Variants in KCNIP4 observed in about 807,000 individuals in gnomAD.
KCNIP4 encodes the protein Kv channel-interacting protein 4.
Under a neutral mutation model 34.0 loss-of-function variants are expected in KCNIP4, and 12 were observed. The ratio of observed to expected loss-of-function variants is 0.35; its 90% confidence interval spans 0.23 to 0.57. The LOEUF (loss-of-function observed/expected upper bound fraction) is 0.57. Ranked by LOEUF, KCNIP4 falls within the 20% of genes least tolerant of loss-of-function variation. The pLI, the probability that KCNIP4 is intolerant of heterozygous loss-of-function variation, is 0.83. For missense variants in KCNIP4, 238 were observed against 311.7 expected (o/e 0.76, Z 1.78); for synonymous variants, 124 against 102.2 (o/e 1.21, Z -1.29).
chr4:21,266,850 G>C (rs1199631034), intron 1 of KCNIP4, among the ~76,000 whole-genome samples: 1 of 152,136 alleles, frequency 6.6e-6, no homozygotes, highest in East Asian at 1.9e-4. Context: ...ATCATAATTT[G>C]GCTATAGTGA....
chr4:21,500,558 T>C (rs1733230026), intron 1 of KCNIP4, among the ~76,000 whole-genome samples: 1 of 152,196 alleles, frequency 6.6e-6, no homozygotes, highest in Admixed American at 6.5e-5. Flanking sequence ...TACATGTAAG[T>C]AAAAGTCATT....
intron 1 of KCNIP4, among the ~76,000 whole-genome samples, chr4:21,058,268 T>C (rs1244152540): frequency 6.6e-6 from 1 of 151,650 alleles, no homozygotes; most frequent in Non-Finnish European, 1.5e-5. Context: ...TGGCCAAGAA[T>C]AATAGAAAAA....
intron 1 of KCNIP4, among the ~76,000 whole-genome samples, chr4:20,944,493 C>T (rs1215636616): frequency 6.6e-6 from 1 of 152,244 alleles, no homozygotes; most frequent in Non-Finnish European, 1.5e-5. Flanking sequence ...TTGTGCTTCA[C>T]TTCACACATG....
At chr4:20,986,974 G>A (rs1312030648) in intron 1 of KCNIP4, among the ~76,000 whole-genome samples, 1 of 152,092 alleles carries the variant, frequency 6.6e-6, no homozygotes, top group African/African-American at 2.4e-5. Context: ...GAATCTGCTG[G>A]CTCCCAAGTA....
Position 21,472,106 on chromosome 4 carries a change from A to G in KCNIP4, c.61+476465T>C, listed in dbSNP as rs149864550. ...ACCAGAAATTCCTGAAGCTTTTTCC[A>G]TAATGTAGAGTTGTTGCTGGGAATG... On this transcript the variant is annotated intron_variant, in intron 1 of 8. Coordinates refer to ENST00000382152, the MANE Select transcript of KCNIP4 (RefSeq NM_025221.6). Among the ~76,000 whole-genome samples the G allele has an allele frequency of 2.0e-3, 311 of 152,300 alleles. 1 individual carries two copies. The highest frequency in any genetic ancestry group is 4.7e-4 in the Non-Finnish European group (32 of 68,026).
At chr4:21,792,019 A>C (rs1010380624) in intron 1 of KCNIP4, among the ~76,000 whole-genome samples, 3 of 150,306 alleles carry the variant, frequency 2.0e-5, no homozygotes, top group Admixed American at 6.6e-5. Context: ...AAAAAAAAAA[A>C]AAAAAAAAAA....
chr4:21,243,240 A>G (rs992971888), intron 1 of KCNIP4, among the ~76,000 whole-genome samples: 2 of 152,184 alleles, frequency 1.3e-5, no homozygotes, highest in Non-Finnish European at 2.9e-5. Context: ...ATTTTCATTA[A>G]TTTATTGTGA....
intron 1 of KCNIP4, among the ~76,000 whole-genome samples, chr4:21,539,680 T>C (rs949809646): frequency 1.3e-5 from 2 of 152,068 alleles, no homozygotes; most frequent in Non-Finnish European, 2.9e-5. Context: ...TTATATGCTG[T>C]GTAAGAATTC....
At chr4:21,772,388 T>C (rs1313321500) in intron 1 of KCNIP4, among the ~76,000 whole-genome samples, 3 of 152,180 alleles carry the variant, frequency 2.0e-5, no homozygotes, top group Non-Finnish European at 2.9e-5. Flanking sequence ...ATGTTTTCTT[T>C]TTTTGTTTTG....
At chr4:21,192,952 C>CTACTAATAA (rs757200407) in intron 1 of KCNIP4, among the ~76,000 whole-genome samples, 6 of 145,100 alleles carry the variant, frequency 4.1e-5, no homozygotes, top group East Asian at 2.0e-4. Context: ...ACTACTACTA[C>CTACTAATAA]TAATAATAAT....
At chr4:21,608,061 C>A (rs1743854401) in intron 1 of KCNIP4, among the ~76,000 whole-genome samples, 1 of 151,918 alleles carries the variant, frequency 6.6e-6, no homozygotes, top group Non-Finnish European at 1.5e-5. Context: ...ACTCATGGTG[C>A]TTTTCTCTTA....
At chr4:20,852,751 T>G (rs1256400693) in intron 2 of KCNIP4, among the ~76,000 whole-genome samples, 3 of 152,316 alleles carry the variant, frequency 2.0e-5, no homozygotes, top group East Asian at 3.9e-4. Context: ...AGAAAGCTCC[T>G]AGAACTGATA....
At chr4:20,992,391 A>G (rs897502874) in intron 1 of KCNIP4, among the ~76,000 whole-genome samples, 1 of 152,126 alleles carries the variant, frequency 6.6e-6, no homozygotes, top group Non-Finnish European at 1.5e-5. Flanking sequence ...CTATGATCCA[A>G]TTACCTCCAC....
At chr4:21,362,246 T>C (rs1031117349) in intron 1 of KCNIP4, among the ~76,000 whole-genome samples, 19 of 152,264 alleles carry the variant, frequency 1.2e-4, no homozygotes, top group Admixed American at 1.0e-3. Context: ...ATTATGCAGA[T>C]GAACCCTGTA....
chr4:20,739,922 A>G (rs1750643042), intron 5 of KCNIP4, among the ~76,000 whole-genome samples: 2 of 152,198 alleles, frequency 1.3e-5, no homozygotes, highest in Admixed American at 6.5e-5. Context: ...GCTGAAAACC[A>G]TGGCACAAGA....
chr4:21,941,796 A>C (rs984770717), intron 1 of KCNIP4, among the ~76,000 whole-genome samples: 10 of 152,208 alleles, frequency 6.6e-5, no homozygotes, highest in African/African-American at 2.4e-4. Context: ...AGGAAGAAAA[A>C]TCAGCCTTAA....
At chr4:21,222,155 GA>G (rs1320748304) in intron 1 of KCNIP4, among the ~76,000 whole-genome samples, 1 of 152,062 alleles carries the variant, frequency 6.6e-6, no homozygotes, top group Non-Finnish European at 1.5e-5. Flanking sequence ...AAGCAAATTT[GA>G]AATAAAAAAT....
chr4:21,331,949 G>A (rs527908050), intron 1 of KCNIP4, among the ~76,000 whole-genome samples: 1 of 152,122 alleles, frequency 6.6e-6, no homozygotes, highest in African/African-American at 2.4e-5. Context: ...ACAATGCATG[G>A]CACATAGTAG....
chr4:21,176,451 C>A (rs1754417403), intron 1 of KCNIP4, among the ~76,000 whole-genome samples: 1 of 152,144 alleles, frequency 6.6e-6, no homozygotes, highest in Non-Finnish European at 1.5e-5. Flanking sequence ...GTGGATGCTG[C>A]TACAAGTAAA....
Sources: allele counts gnomAD v4.1 joint callset (sites outside exome capture counted in the v4.1 genomes callset), GRCh38; gene constraint gnomAD v4.1.1; transcripts MANE v1.5; gene names NCBI Gene and HGNC (gene_info 2026-07-23, HGNC 2026-07-21).